The following ANK2 variants were observed in gnomAD, a reference collection of about 807,000 sequenced individuals.
ANK2 encodes the protein ankyrin 2.
Under a neutral mutation model 360.5 loss-of-function variants are expected in ANK2, and 83 were observed. The observed-to-expected ratio is 0.23, with a 90% CI of 0.19 to 0.28. The LOEUF (loss-of-function observed/expected upper bound fraction) is 0.28. Ranked by LOEUF, ANK2 falls within the 10% of genes least tolerant of loss-of-function variation. ANK2 has a pLI of 1.00. For synonymous variants in ANK2, 1,740 were observed against 1,759.5 expected (o/e 0.99, Z 0.28); for missense variants, 4,201 against 4,795.7 (o/e 0.88, Z 3.66).
chr4:112,998,486 A>G (rs1179393950), intron 2 of ANK2, among the ~76,000 whole-genome samples: 1 of 152,180 alleles, frequency 6.6e-6, no homozygotes, highest in Admixed American at 6.5e-5. Flanking sequence ...TTAGTGAATG[A>G]GAAGAAAAGT....
chr4:112,774,009 C>T, the ANK2 span, among the ~76,000 whole-genome samples: 12 of 151,804 alleles, frequency 7.9e-5, no homozygotes, highest in Non-Finnish European at 1.3e-4. Context: ...CTATGTTGGA[C>T]AGACTGGTCT....
intron 4 of ANK2, among the ~76,000 whole-genome samples, chr4:113,222,408 T>A (rs2153494559): frequency 6.6e-6 from 1 of 151,720 alleles, no homozygotes; most frequent in African/African-American, 2.4e-5. Context: ...TTTTTTTTTT[T>A]TTTTTGGCAA....
intron 1 of ANK2, chr4:112,818,336 G>T (rs1417403103): frequency 2.0e-5 from 3 of 152,252 alleles, no homozygotes; most frequent in Non-Finnish European, 4.4e-5. Context: ...TTGATAGGGG[G>T]TGCTGGAAGC....
At chr4:113,109,285 A>G (rs888783226) in intron 1 of ANK2, among the ~76,000 whole-genome samples, 1 of 152,116 alleles carries the variant, frequency 6.6e-6, no homozygotes, top group Non-Finnish European at 1.5e-5. Flanking sequence ...TGAAGTCTTT[A>G]TAGATCTGTT....
At chr4:113,202,768 A>G (rs1455196206) in intron 4 of ANK2, among the ~76,000 whole-genome samples, 2 of 152,258 alleles carry the variant, frequency 1.3e-5, no homozygotes, top group African/African-American at 4.8e-5. Flanking sequence ...TTACCGCCAC[A>G]TGATACAGTA....
chr4:113,022,695 T>A (rs150726438), intron 2 of ANK2, among the ~76,000 whole-genome samples: 119 of 152,346 alleles, frequency 7.8e-4, no homozygotes, highest in Non-Finnish European at 1.2e-3. Flanking sequence ...TTTGGTGTCA[T>A]AAGAATCATG....
intron 2 of ANK2, among the ~76,000 whole-genome samples, chr4:112,932,523 G>A (rs1481389003): frequency 6.6e-6 from 1 of 150,482 alleles, no homozygotes; most frequent in East Asian, 1.9e-4. Flanking sequence ...GATACATTTG[G>A]CTGAAATGTT....
At chr4:112,928,284 A>C (rs1288506235) in intron 2 of ANK2, among the ~76,000 whole-genome samples, 5 of 151,828 alleles carry the variant, frequency 3.3e-5, no homozygotes, top group African/African-American at 1.2e-4. Flanking sequence ...AAGCTGATAG[A>C]GTTAGAAAAA....
At position 113,311,642 on chromosome 4, in the gene ANK2, A is replaced by AAACC. The variant is rs71582165; in HGVS notation, c.2693+245_2693+248dup. On this transcript the variant is annotated intron_variant, in intron 24 of 45. Coordinates refer to ENST00000357077, the MANE Select transcript of ANK2 (RefSeq NM_001148.6). ...AAAATCAAACAACTAGTAAGAAGCA[A>AAACC]AACCATCATAAATAAGAGTTCTCAT... Among the ~76,000 whole-genome samples, 3,963 of 152,276 alleles carry AAACC rather than the reference A, an allele frequency of 0.026. 83 individuals carry two copies. The highest frequency in any genetic ancestry group is 0.04 in the Non-Finnish European group (2,753 of 68,016).
intron 2 of ANK2, among the ~76,000 whole-genome samples, chr4:113,030,996 T>C (rs974528760): frequency 1.5e-4 from 23 of 151,974 alleles, no homozygotes; most frequent in African/African-American, 5.1e-4. Context: ...ATAGATATTA[T>C]GAGAGACAAA....
At chr4:113,266,198 C>T (rs1586615423) in intron 14 of ANK2, among the ~76,000 whole-genome samples, 2 of 152,126 alleles carry the variant, frequency 1.3e-5, no homozygotes, top group East Asian at 1.9e-4. Flanking sequence ...TGAGTGAGAA[C>T]ATGCAGTGTT....
chr4:113,326,866 G>A lies in ANK2; in HGVS notation c.2901-3380G>A, dbSNP rs1224379836. On this transcript the variant is annotated intron_variant, in intron 26 of 45. Coordinates refer to ENST00000357077, the MANE Select transcript of ANK2 (RefSeq NM_001148.6). ...ACAAACAAACAAACATTAGCCAGGT[G>A]CAATGATGCTGCCTGTATTCCCAGC... Among the ~76,000 whole-genome samples, 6 of 152,076 alleles carry A rather than the reference G, an allele frequency of 3.9e-5. No homozygotes were observed. In the East Asian group the frequency reaches 1.2e-3, roughly 29 times the overall value.
At chr4:112,937,489 A>G (rs1382955664) in intron 2 of ANK2, among the ~76,000 whole-genome samples, 2 of 151,962 alleles carry the variant, frequency 1.3e-5, no homozygotes, top group Non-Finnish European at 2.9e-5. Flanking sequence ...CACCACCTCC[A>G]GATAATTTTT....
chr4:112,827,403 A>G, intron 1 of ANK2: 1 of 1,382,572 alleles, frequency 7.2e-7, no homozygotes, highest in Non-Finnish European at 1.0e-6. Flanking sequence ...CAGCTATTGG[A>G]CCAAGGAAGA....
chr4:113,144,420 A>T (rs10032927), intron 1 of ANK2, among the ~76,000 whole-genome samples: 66,261 of 151,586 alleles, frequency 0.44, 15,317 homozygotes, highest in African/African-American at 0.56. Context: ...TAATTTTTTT[A>T]AAAAAAATAA....
chr4:113,021,101 G>T (rs183062967), intron 2 of ANK2, among the ~76,000 whole-genome samples: 104 of 152,286 alleles, frequency 6.8e-4, no homozygotes, highest in African/African-American at 2.5e-3. Flanking sequence ...GCCTGGGACA[G>T]CAGAACAGCT....
chr4:112,922,051 T>C (rs2091665614), intron 2 of ANK2, among the ~76,000 whole-genome samples: 1 of 152,220 alleles, frequency 6.6e-6, no homozygotes, highest in African/African-American at 2.4e-5. Flanking sequence ...AAGTTCCTTT[T>C]GATTCAAATA....
intron 1 of ANK2, among the ~76,000 whole-genome samples, chr4:112,893,215 A>C (rs2080646279): frequency 6.6e-6 from 1 of 152,214 alleles, no homozygotes; most frequent in Admixed American, 6.5e-5. Context: ...TATACCTATA[A>C]GTGTGAATAT....
chr4:113,162,513 T>G (rs1175363666), intron 1 of ANK2, among the ~76,000 whole-genome samples: 1 of 152,214 alleles, frequency 6.6e-6, no homozygotes, highest in Non-Finnish European at 1.5e-5. Context: ...CCTATGACAT[T>G]GCACTTGCTA....
Sources: gnomAD v4.1 joint callset for allele counts (sites outside exome capture counted in the v4.1 genomes callset) on GRCh38, gnomAD v4.1.1 for gene constraint, MANE v1.5 for transcripts, NCBI Gene and HGNC (gene_info 2026-07-23, HGNC 2026-07-21) for gene names.